Variants in BRIP1 observed in about 807,000 individuals in gnomAD.
BRIP1 encodes the protein BRCA1 interacting DNA helicase 1.
Under a neutral mutation model 119.7 loss-of-function variants are expected in BRIP1, and 88 were observed. The observed-to-expected ratio is 0.74, with a 90% confidence interval of 0.62 to 0.88. The LOEUF (loss-of-function observed/expected upper bound fraction) is 0.88. Ranked by LOEUF, BRIP1 falls within the 40% of genes least tolerant of loss-of-function variation. The probability of loss-of-function intolerance (pLI) is 0.00; values close to 1 mark genes in which losing one functional copy is unlikely to be tolerated. For missense variants in BRIP1, 1,259 were observed against 1,455.4 expected, an observed-to-expected ratio of 0.87 and a Z score of 2.20; for synonymous variants, 443 against 496.5, an observed-to-expected ratio of 0.89 and a Z score of 1.43.
In BRIP1 at chr17:61,705,433, T is replaced by G. The variant is rs1156505143; in HGVS notation, c.2492+10518A>C. Among the ~76,000 whole-genome samples the G allele has an allele frequency of 2.0e-5, 3 of 152,206 alleles. No individual in the cohort carries two copies. The highest frequency in any genetic ancestry group is 4.4e-5 in the Non-Finnish European group (3 of 68,024). ...GCATGTGTCTTTTTGGCAGAATGAT[T>G]TATTTTCCTTTGGGCATATAACCAG... On this transcript the variant is annotated intron_variant, in intron 17 of 19. Transcript: ENST00000259008. The surrounding 1 kb of genome is among the most constrained non-coding windows in gnomAD (Gnocchi z 5.0).
At chr17:61,840,003 T>C (rs1312223135) in intron 6 of BRIP1, among the ~76,000 whole-genome samples, 1 of 152,172 alleles carries the variant, frequency 6.6e-6, no homozygotes, top group Non-Finnish European at 1.5e-5. Flanking sequence ...ACAGTAGATG[T>C]GCTTATGGTC....
rs2061816810 is a variant in BRIP1 at position 61,713,814 on chromosome 17, C to T, written c.2492+2137G>A. ...TGGATTACAGGCTTCAGCTATTGCG[C>T]TCCCCATGTCTTCATTTTTAACAGA... On this transcript the variant is annotated intron_variant, in intron 17 of 19. Transcript: ENST00000259008. This position sits in a 1 kb window ranked among gnomAD's most constrained non-coding sequence, Gnocchi z 4.9. Among the ~76,000 whole-genome samples, 1 of 151,542 alleles carries T rather than the reference C, an allele frequency of 6.6e-6. No individual in the cohort carries two copies. The highest frequency in any genetic ancestry group is 6.6e-5 in the Admixed American group (1 of 15,194).
chr17:61,797,685 C>T (rs2077922743), intron 9 of BRIP1, among the ~76,000 whole-genome samples: 2 of 151,886 alleles, frequency 1.3e-5, no homozygotes, highest in Admixed American at 6.6e-5. Flanking sequence ...ACTCTTATTG[C>T]AGGCAAAGAT....
chr17:61,788,866 G>T (rs77276230), intron 10 of BRIP1, among the ~76,000 whole-genome samples: 6,626 of 152,130 alleles, frequency 0.044, 586 homozygotes, highest in East Asian at 0.42. Flanking sequence ...GACCGAGGCG[G>T]GTGGATCACT....
chr17:61,837,226 A>G (rs2078588347), intron 6 of BRIP1, among the ~76,000 whole-genome samples: 1 of 152,200 alleles, frequency 6.6e-6, no homozygotes, highest in East Asian at 1.9e-4. Context: ...AGTAAGCACC[A>G]GTATCAGCAT....
intron 6 of BRIP1, among the ~76,000 whole-genome samples, chr17:61,818,804 C>T (rs2078276087): frequency 6.6e-6 from 1 of 152,058 alleles, no homozygotes; most frequent in South Asian, 2.1e-4. Flanking sequence ...AAATGGCAAA[C>T]AGACATATGA....
rs1216262741 is a variant in BRIP1 at position 61,822,940 on chromosome 17, T to A, written c.628-14183A>T. 2.0e-5 allele frequency among the ~76,000 whole-genome samples: 3 copies of A among 152,182 alleles called. No individual in the cohort carries two copies. Among genetic ancestry groups the A allele is most frequent in the Non-Finnish European group, 4.4e-5 (3 of 68,038 alleles). On this transcript the variant is annotated intron_variant, in intron 6 of 19. Coordinates refer to ENST00000259008, the MANE Select transcript of BRIP1 (RefSeq NM_032043.3). This position sits in a 1 kb window ranked among gnomAD's most constrained non-coding sequence, Gnocchi z 4.4. Reference sequence around the variant, plus strand: ...GAGGAACTATGGTCAAAATAGCAGATCATCAACACAGATCATGAAGTACCC... The same window carrying A: ...GAGGAACTATGGTCAAAATAGCAGAACATCAACACAGATCATGAAGTACCC...
rs2077012916 is a variant in BRIP1, at chr17:61,743,346, C to G, written c.2258-212G>C. 6.6e-6 allele frequency among the ~76,000 whole-genome samples: 1 copy of G among 151,938 alleles called. No individual in the cohort carries two copies. The highest frequency in any genetic ancestry group is 6.6e-5 in the Admixed American group (1 of 15,256). On this transcript the variant is annotated intron_variant, in intron 15 of 19. Transcript: ENST00000259008. This position sits in a 1 kb window ranked among gnomAD's most constrained non-coding sequence, Gnocchi z 4.3. ...ATTTATATGCAAAAGGGTAGCAAAC[C>G]AATTTACAAACTCTGCATCTTCCAG...
chr17:61,823,934 C>T lies in BRIP1; in HGVS notation c.628-15177G>A, dbSNP rs1401863381. On this transcript the variant is annotated intron_variant, in intron 6 of 19. Transcript: ENST00000259008. The surrounding 1 kb of genome is among the most constrained non-coding windows in gnomAD (Gnocchi z 4.8). ...GTTCAAGTGATTCTCCTGCCTCAGACTCCTGAGCAGCAGAGATTACAGGCA... is the reference window on the plus strand; with the variant it reads ...GTTCAAGTGATTCTCCTGCCTCAGATTCCTGAGCAGCAGAGATTACAGGCA... Among the ~76,000 whole-genome samples the T allele has an allele frequency of 1.3e-5, 2 of 152,168 alleles. No individual in the cohort carries two copies. Among genetic ancestry groups the T allele is most frequent in the African/African-American group, 4.8e-5 (2 of 41,442 alleles).
rs917918657 is a variant in BRIP1 at position 61,860,826 on chromosome 17, T to C, written c.93+621A>G. On this transcript the variant is annotated intron_variant, in intron 2 of 19. Coordinates refer to ENST00000259008, the MANE Select transcript of BRIP1 (RefSeq NM_032043.3). The surrounding 1 kb of genome is among the most constrained non-coding windows in gnomAD (Gnocchi z 4.1). ...AATGGATTAAGAATCAACAGGGCTA[T>C]ACATTAAAAATAATGCTAAGTTAAA... 1.3e-5 allele frequency among the ~76,000 whole-genome samples: 2 copies of C among 152,212 alleles called. No individual in the cohort carries two copies. The highest frequency in any genetic ancestry group is 1.9e-4 in the East Asian group (1 of 5,200).
rs2145861654 is a variant in BRIP1, at chr17:61,861,297, T to C, written c.93+150A>G. 3.0e-6 allele frequency: 2 copies of C among 676,312 alleles called. No homozygotes were observed. Among genetic ancestry groups the C allele is most frequent in the South Asian group, 3.3e-5 (2 of 60,820 alleles). The allele number at this position is 676,312 out of a possible 1,614,324, so 41.9% of individuals were successfully genotyped here. ...ATATATACAGTTTAGCTGCAATCAG[T>C]AGTTTCCCAGAGGTTAGATATTCTT... On this transcript the variant is annotated intron_variant, in intron 2 of 19. Coordinates refer to ENST00000259008, the MANE Select transcript of BRIP1 (RefSeq NM_032043.3). This position sits in a 1 kb window ranked among gnomAD's most constrained non-coding sequence, Gnocchi z 4.5.
rs2061890935 is a variant in BRIP1, at chr17:61,717,113, GAA to G, written c.2380-1052_2380-1051del. 2.0e-5 allele frequency among the ~76,000 whole-genome samples: 3 copies of G among 151,936 alleles called. No individual in the cohort carries two copies. The highest frequency in any genetic ancestry group is 2.9e-5 in the Non-Finnish European group (2 of 67,896). On this transcript the variant is annotated intron_variant, in intron 16 of 19. Transcript: ENST00000259008. This position sits in a 1 kb window ranked among gnomAD's most constrained non-coding sequence, Gnocchi z 4.1. ...ATTTTGAAATAAGTTTAGATTTACA[GAA>G]AAGTTCCAAAGATAGTACAGAGATT...
rs1434836922 is a variant in BRIP1 at position 61,780,522 on chromosome 17, G to A, written c.1795-121C>T. 18 of 919,794 alleles carry A rather than the reference G, an allele frequency of 2.0e-5. No homozygotes were observed. The highest frequency in any genetic ancestry group is 1.3e-4 in the East Asian group (5 of 39,958). 57.0% of individuals were successfully genotyped at this position (919,794 alleles called of 1,614,324 possible). On this transcript the variant is annotated intron_variant, in intron 12 of 19. Coordinates refer to ENST00000259008, the MANE Select transcript of BRIP1 (RefSeq NM_032043.3). The surrounding 1 kb of genome is among the most constrained non-coding windows in gnomAD (Gnocchi z 5.4). ...GCAGGAAGATCGCTTGAGTCTAGGA[G>A]TCTGAGACCAGCCTGGGCAATATGG...
chr17:61,861,773 C>A lies in BRIP1; in HGVS notation c.-30-204G>T. On this transcript the variant is annotated intron_variant, in intron 1 of 19. Coordinates refer to ENST00000259008, the MANE Select transcript of BRIP1 (RefSeq NM_032043.3). This position sits in a 1 kb window ranked among gnomAD's most constrained non-coding sequence, Gnocchi z 4.5. ...GAGTCTAACAAATCTAGATTTGTAT[C>A]CTTCACTCTGCCAGGTATTAGTTGT... 1.7e-6 allele frequency: 1 copy of A among 571,928 alleles called. No homozygotes were observed. Among genetic ancestry groups the A allele is most frequent in the South Asian group, 2.0e-5 (1 of 49,268 alleles). The allele number at this position is 571,928 out of a possible 1,614,324, so 35.4% of individuals were successfully genotyped here. A position where few individuals can be genotyped will look rare whatever the true frequency, so the allele number is the denominator to read the frequency against.
At chr17:61,750,998 T>A (rs984866563) in intron 14 of BRIP1, among the ~76,000 whole-genome samples, 1 of 152,110 alleles carries the variant, frequency 6.6e-6, no homozygotes, top group Non-Finnish European at 1.5e-5. Context: ...ACCCCAAATA[T>A]CTGAAAGTAC....
chr17:61,788,598 T>C (rs2077768652), intron 10 of BRIP1, among the ~76,000 whole-genome samples: 1 of 152,096 alleles, frequency 6.6e-6, no homozygotes, highest in Admixed American at 6.6e-5. Flanking sequence ...TTAACAAATG[T>C]GACAAATTAG....
chr17:61,695,194 T>C lies in BRIP1; in HGVS notation c.2493-1682A>G, dbSNP rs1309570887. On this transcript the variant is annotated intron_variant, in intron 17 of 19. Transcript: ENST00000259008. This position sits in a 1 kb window ranked among gnomAD's most constrained non-coding sequence, Gnocchi z 4.3. Reference sequence around the variant, plus strand: ...TATATGGTGTGAGGTAGGAGTCTAATTTCATTATTTGCACAGATATCCAGT... The same window carrying C: ...TATATGGTGTGAGGTAGGAGTCTAACTTCATTATTTGCACAGATATCCAGT... Among the ~76,000 whole-genome samples the C allele has an allele frequency of 6.6e-6, 1 of 152,106 alleles. No homozygotes were observed. The highest frequency in any genetic ancestry group is 2.4e-5 in the African/African-American group (1 of 41,458).
At chr17:61,692,305 G>C (rs1019969650) in intron 18 of BRIP1, among the ~76,000 whole-genome samples, 4 of 152,240 alleles carry the variant, frequency 2.6e-5, no homozygotes, top group Admixed American at 2.6e-4. Context: ...AATTAGACAA[G>C]GAAGACCATG....
At position 61,831,628 on chromosome 17, in the gene BRIP1, G is replaced by A. The variant is rs532436959; in HGVS notation, c.627+15473C>T. 1.5e-3 allele frequency among the ~76,000 whole-genome samples: 232 copies of A among 152,068 alleles called. No individual in the cohort carries two copies. Among genetic ancestry groups the A allele is most frequent in the African/African-American group, 5.4e-3 (223 of 41,518 alleles). ...TGTATACACCACATTTTGTTTATTC[G>A]TTTATTTATCAATGGACATTTTGGT... is the stretch of plus-strand genomic sequence containing the variant. On this transcript the variant is annotated intron_variant, in intron 6 of 19. Coordinates refer to ENST00000259008, the MANE Select transcript of BRIP1 (RefSeq NM_032043.3). This position sits in a 1 kb window ranked among gnomAD's most constrained non-coding sequence, Gnocchi z 4.1.
Sources: allele counts gnomAD v4.1 joint callset (sites outside exome capture counted in the v4.1 genomes callset), GRCh38; gene constraint gnomAD v4.1.1; non-coding constraint Gnocchi (gnomAD v3.1); transcripts MANE v1.5; gene names NCBI Gene and HGNC (gene_info 2026-07-23, HGNC 2026-07-21).